Variants in USP15 observed in about 807,000 individuals in gnomAD.
USP15 encodes ubiquitin specific peptidase 15.
In USP15, 18 loss-of-function variants were observed where a neutral mutation model predicts 127.1. The observed-to-expected ratio is 0.14, with a 90% CI of 0.10 to 0.21. The LOEUF (loss-of-function observed/expected upper bound fraction) is 0.21, where lower values mean the gene tolerates loss of function less well. Among genes scored for constraint, USP15 ranks in the 10% least tolerant of loss-of-function variants. The pLI is 1.00. For missense variants in USP15, 805 were observed against 1,159.9 expected, an observed-to-expected ratio of 0.69 and a Z score of 4.44; for synonymous variants, 364 against 393.7, an observed-to-expected ratio of 0.92 and a Z score of 0.89.
At chr12:62,304,965 G>A (rs1469879908) in intron 3 of USP15, 3 of 207,052 alleles carry the variant, frequency 1.4e-5, no homozygotes, top group Non-Finnish European at 3.0e-5. Flanking sequence ...AAACAGAACT[G>A]AAGAGAAAAT....
At chr12:62,302,693 GTTT>G in intron 2 of USP15, 94 bp from the exon 3 acceptor site, 1 of 1,368,688 alleles carries the variant, frequency 7.3e-7, no homozygotes, top group Non-Finnish European at 9.9e-7. Context: ...CTTAAAACTT[GTTT>G]TAAATACTTA....
At chr12:62,387,631 A>C (rs1042922464) in intron 11 of USP15, among the ~76,000 whole-genome samples, 4 of 152,296 alleles carry the variant, frequency 2.6e-5, no homozygotes, top group African/African-American at 9.6e-5. Context: ...GCAACCTTGG[A>C]AACAAGTTAA....
At chr12:62,324,002 C>CTT (rs139681009) in intron 5 of USP15, among the ~76,000 whole-genome samples, 14 of 147,016 alleles carry the variant, frequency 9.5e-5, no homozygotes, top group African/African-American at 3.2e-4. Flanking sequence ...TCTCCTGGAC[C>CTT]TTTTTTTTTT....
In USP15 at chr12:62,351,861, AC is replaced by A. The variant is rs201757167; in HGVS notation, c.770+2555del. ...ATTATCTTTCTTAGTAAGGAACAGA[AC>A]TTAAGCATTCGTAAAATGGAAAGTT... is the stretch of plus-strand genomic sequence containing the variant. On this transcript the variant is annotated intron_variant, in intron 7 of 21. Coordinates refer to ENST00000280377, the MANE Select transcript of USP15 (RefSeq NM_001252078.2). Among the ~76,000 whole-genome samples, 516 of 151,174 alleles carry A rather than the reference AC, an allele frequency of 3.4e-3. 4 individuals are homozygous for A. The highest frequency in any genetic ancestry group is 0.012 in the African/African-American group (502 of 41,036).
At chr12:62,363,290 C>T (rs187831403) in intron 8 of USP15, among the ~76,000 whole-genome samples, 28 of 152,160 alleles carry the variant, frequency 1.8e-4, no homozygotes, top group Admixed American at 1.6e-3. Flanking sequence ...TTTCACTCAA[C>T]GATCAATGAA....
intron 20 of USP15, among the ~76,000 whole-genome samples, chr12:62,398,168 T>C (rs1195678859): frequency 6.6e-6 from 1 of 151,894 alleles, no homozygotes; most frequent in Admixed American, 6.6e-5. Flanking sequence ...TTTTTTTGTA[T>C]TTTTAGTAGC....
intron 1 of USP15, among the ~76,000 whole-genome samples, chr12:62,268,131 T>G (rs2063243163): frequency 6.6e-6 from 1 of 152,078 alleles, no homozygotes; most frequent in African/African-American, 2.4e-5. Context: ...AGATACAGGT[T>G]CCATATATAA....
At chr12:62,273,928 A>G (rs2063408193) in intron 1 of USP15, among the ~76,000 whole-genome samples, 1 of 152,120 alleles carries the variant, frequency 6.6e-6, no homozygotes, top group African/African-American at 2.4e-5. Flanking sequence ...TTCTATTTAT[A>G]GCTTGGTGAT....
rs2067971657 is a variant in USP15, at chr12:62,409,100, G to A, written c.*4725G>A. On this transcript the variant is annotated 3_prime_UTR_variant, in exon 22 of 22. Transcript: ENST00000280377. ...TGATGGGGTAAAGAATTTTTAAATG[G>A]ATAATATAAAACAGACAGTTCAAAA... The A allele has an allele frequency of 6.6e-6, 1 of 151,982 alleles. No homozygotes were observed. 9.4% of individuals were successfully genotyped at this position (151,982 alleles called of 1,614,324 possible). A position where few individuals can be genotyped will look rare whatever the true frequency, so the allele number is the denominator to read the frequency against.
chr12:62,386,111 T>G (rs1321155051), intron 11 of USP15, among the ~76,000 whole-genome samples: 3 of 151,840 alleles, frequency 2.0e-5, no homozygotes, highest in African/African-American at 7.2e-5. Context: ...TAATATAAAT[T>G]TGCGGAGGTT....
chr12:62,299,759 A>G (rs2064250677), intron 2 of USP15, among the ~76,000 whole-genome samples: 1 of 152,202 alleles, frequency 6.6e-6, no homozygotes. Context: ...TTCCAAAGTC[A>G]TTGCATCCTT....
At chr12:62,267,136 G>A (rs1478625980) in intron 1 of USP15, 2 of 151,962 alleles carry the variant, frequency 1.3e-5, no homozygotes, top group Admixed American at 6.6e-5. Context: ...CCTGAGTAAT[G>A]TCAGTCTAGC....
chr12:62,353,333 A>G (rs997211807), intron 7 of USP15, among the ~76,000 whole-genome samples: 11 of 152,202 alleles, frequency 7.2e-5, no homozygotes, highest in African/African-American at 2.4e-4. Flanking sequence ...AGCAATTTCT[A>G]TCCCATCAAA....
chr12:62,276,106 A>G (rs2063482895), intron 1 of USP15, among the ~76,000 whole-genome samples: 1 of 152,174 alleles, frequency 6.6e-6, no homozygotes, highest in Non-Finnish European at 1.5e-5. Flanking sequence ...TGTAATGACC[A>G]GGTATGAGGC....
chr12:62,355,584 AT>A (rs2137448594), intron 8 of USP15, 109 bp downstream of exon 8: 1 of 1,216,496 alleles, frequency 8.2e-7, no homozygotes, highest in Non-Finnish European at 1.1e-6. Flanking sequence ...TTGAAAGTTC[AT>A]TTTTCATGGA....
At chr12:62,363,697 G>GCT (rs2066386686) in intron 8 of USP15, among the ~76,000 whole-genome samples, 1 of 151,458 alleles carries the variant, frequency 6.6e-6, no homozygotes, top group African/African-American at 2.4e-5. Context: ...CCCACCCCGT[G>GCT]CTCTCTCTCT....
chr12:62,290,154 T>C (rs2063916730), intron 1 of USP15, among the ~76,000 whole-genome samples: 2 of 152,196 alleles, frequency 1.3e-5, no homozygotes, highest in South Asian at 4.1e-4. Context: ...AATTTAATTC[T>C]GGTGTTTCTT....
chr12:62,288,075 C>CT (rs1229412303), intron 1 of USP15, among the ~76,000 whole-genome samples: 1 of 151,818 alleles, frequency 6.6e-6, no homozygotes, highest in Non-Finnish European at 1.5e-5. Context: ...TATTGAGATT[C>CT]TTTTTTTTAT....
chr12:62,314,785 T>C lies in USP15; in HGVS notation c.349-5T>C. The C allele has an allele frequency of 6.4e-7, 1 of 1,556,290 alleles. No homozygotes were observed. The highest frequency in any genetic ancestry group is 1.4e-5 in the African/African-American group (1 of 72,596). On this transcript the variant is annotated splice_polypyrimidine_tract_variant and splice_region_variant and intron_variant, in intron 3 of 21. Transcript: ENST00000280377. ...ACACTGATTTGTTTTGTTTCATTAT[T>C]TTAGGTGGTTGAACAGGGTATGTTT...
Sources: gnomAD v4.1 joint callset for allele counts (sites outside exome capture counted in the v4.1 genomes callset) on GRCh38, gnomAD v4.1.1 for gene constraint, MANE v1.5 for transcripts, NCBI Gene and HGNC (gene_info 2026-07-23, HGNC 2026-07-21) for gene names.